The following SYN2 variants were observed in gnomAD, a reference collection of about 807,000 sequenced individuals.
SYN2 encodes the protein synapsin-2.
Under a neutral mutation model 50.9 loss-of-function variants are expected in SYN2, and 19 were observed. That is an observed-to-expected ratio of 0.37 (90% CI 0.26 to 0.55). The LOEUF (loss-of-function observed/expected upper bound fraction) is 0.55. SYN2 is among the 20% of genes least tolerant of loss of function. The pLI, the probability that SYN2 is intolerant of heterozygous loss-of-function variation, is 0.81. For synonymous variants in SYN2, 255 were observed against 224.9 expected (o/e 1.13, Z -1.20); for missense variants, 587 against 576.4 (o/e 1.02, Z -0.19).
chr3:12,121,765 G>A (rs1171691113), intron 1 of SYN2, among the ~76,000 whole-genome samples: 2 of 151,924 alleles, frequency 1.3e-5, no homozygotes, highest in South Asian at 2.1e-4. Context: ...GAGAGAAAGA[G>A]ATAGAAAAAT....
At chr3:12,158,649 A>G in intron 5 of SYN2, 2 of 1,602,048 alleles carry the variant, frequency 1.2e-6, no homozygotes, top group African/African-American at 2.7e-5. Flanking sequence ...CTGGCCAGAT[A>G]CTAATCCCCC....
chr3:12,096,096 C>T (rs1456552748), intron 1 of SYN2, among the ~76,000 whole-genome samples: 2 of 152,198 alleles, frequency 1.3e-5, no homozygotes, highest in Non-Finnish European at 2.9e-5. Flanking sequence ...TTCATGACAT[C>T]TAACTTGACA....
At chr3:12,178,473 C>T (rs1261072070) in intron 10 of SYN2, among the ~76,000 whole-genome samples, 2 of 152,198 alleles carry the variant, frequency 1.3e-5, no homozygotes, top group African/African-American at 4.8e-5. Flanking sequence ...CATCCATGGG[C>T]TTGGTTTCTG....
chr3:12,035,810 A>C (rs1694486382), intron 1 of SYN2, among the ~76,000 whole-genome samples: 1 of 152,226 alleles, frequency 6.6e-6, no homozygotes, highest in African/African-American at 2.4e-5. Context: ...AATTTAGAAC[A>C]AAGAATGGTG....
chr3:12,134,732 G>T lies in SYN2; in HGVS notation c.378-5919G>T, dbSNP rs1325192466. ...TTGCTTTCCACTGTACATCCTCCTGGACTATATGAAACTTTTATTATTGTT... is the reference window on the plus strand; with the variant it reads ...TTGCTTTCCACTGTACATCCTCCTGTACTATATGAAACTTTTATTATTGTT... On this transcript the variant is annotated intron_variant, in intron 1 of 12. Coordinates refer to ENST00000621198, the MANE Select transcript of SYN2 (RefSeq NM_133625.6). Among the ~76,000 whole-genome samples, 3 of 152,260 alleles carry T rather than the reference G, an allele frequency of 2.0e-5. No individual in the cohort carries two copies. In the East Asian group the frequency reaches 5.8e-4, roughly 29 times the overall value.
intron 1 of SYN2, among the ~76,000 whole-genome samples, chr3:12,110,400 G>C (rs1696285775): frequency 6.6e-6 from 1 of 152,142 alleles, no homozygotes; most frequent in Non-Finnish European, 1.5e-5. Flanking sequence ...CGGGCACTTG[G>C]TGCAAGCTGT....
At chr3:12,070,331 G>A (rs576310787) in intron 1 of SYN2, 1 of 504,208 alleles carries the variant, frequency 2.0e-6, no homozygotes, top group African/African-American at 1.9e-5. Flanking sequence ...TCCATCCTTA[G>A]GCGCCCCTGG....
intron 10 of SYN2, among the ~76,000 whole-genome samples, chr3:12,173,463 T>C (rs1306864248): frequency 6.6e-6 from 1 of 152,180 alleles, no homozygotes; most frequent in Non-Finnish European, 1.5e-5. Context: ...CTTTTTGTTT[T>C]CAAGTATCTG....
intron 1 of SYN2, among the ~76,000 whole-genome samples, chr3:12,020,306 T>C (rs1295091830): frequency 6.6e-6 from 1 of 152,112 alleles, no homozygotes; most frequent in East Asian, 1.9e-4. Flanking sequence ...TCTGTTTTTT[T>C]TCCTGTCCTC....
At chr3:12,033,040 G>A (rs1403279916) in intron 1 of SYN2, among the ~76,000 whole-genome samples, 22 of 145,756 alleles carry the variant, frequency 1.5e-4, no homozygotes, top group African/African-American at 5.7e-4. Flanking sequence ...TGATGATGGT[G>A]ATGTACAGAT....
In SYN2 at chr3:12,014,759, GT is replaced by G. The variant is rs1312178115; in HGVS notation, c.377+9835del. On this transcript the variant is annotated intron_variant, in intron 1 of 12. Coordinates refer to ENST00000621198, the MANE Select transcript of SYN2 (RefSeq NM_133625.6). The stretch of plus-strand genomic sequence containing the variant: ...TATTGCTTTGTCTATACCTTTATGA[GT>G]TTTGTGTGCCTTCTTCCACACAGCT... Among the ~76,000 whole-genome samples, 13 of 152,200 alleles carry G rather than the reference GT, an allele frequency of 8.5e-5. No homozygotes were observed. In the South Asian group the frequency reaches 2.7e-3, roughly 32 times the overall value.
intron 1 of SYN2, among the ~76,000 whole-genome samples, chr3:12,129,684 G>A (rs1371713313): frequency 1.3e-5 from 2 of 152,140 alleles, no homozygotes; most frequent in Non-Finnish European, 2.9e-5. Flanking sequence ...GTATTTTTGT[G>A]TGATATTGTT....
intron 7 of SYN2, among the ~76,000 whole-genome samples, chr3:12,162,814 G>C (rs147453400): frequency 6.6e-6 from 1 of 152,316 alleles, no homozygotes; most frequent in East Asian, 1.9e-4. Flanking sequence ...CATTTGCCAG[G>C]ATGGAAAGTT....
intron 1 of SYN2, among the ~76,000 whole-genome samples, chr3:12,017,648 A>C (rs1401945821): frequency 6.6e-6 from 1 of 152,228 alleles, no homozygotes; most frequent in Admixed American, 6.5e-5. Context: ...GAAAATGTCT[A>C]ACAATATGAT....
chr3:12,103,422 T>C (rs1264203676), intron 1 of SYN2, among the ~76,000 whole-genome samples: 1 of 152,184 alleles, frequency 6.6e-6, no homozygotes, highest in African/African-American at 2.4e-5. Context: ...AAAAAGACAA[T>C]TAAAATTCTG....
intron 1 of SYN2, among the ~76,000 whole-genome samples, chr3:12,115,668 C>T (rs1165249838): frequency 1.3e-5 from 2 of 152,006 alleles, no homozygotes; most frequent in East Asian, 1.9e-4. Flanking sequence ...AACTTAAATC[C>T]CAAGGGGTTC....
intron 1 of SYN2, among the ~76,000 whole-genome samples, chr3:12,133,039 T>C (rs1302422213): frequency 3.3e-5 from 5 of 152,212 alleles, no homozygotes; most frequent in Non-Finnish European, 5.9e-5. Context: ...TTACCCCTAA[T>C]CATCTTGGCA....
At chr3:12,157,389 A>G (rs1697489235) in intron 5 of SYN2, 1 of 1,614,012 alleles carries the variant, frequency 6.2e-7, no homozygotes, top group Non-Finnish European at 8.5e-7. Flanking sequence ...ATGTACCTTT[A>G]TCTGTTTGAT....
intron 1 of SYN2, among the ~76,000 whole-genome samples, chr3:12,083,257 C>T (rs971730044): frequency 6.6e-6 from 1 of 152,208 alleles, no homozygotes; most frequent in African/African-American, 2.4e-5. Flanking sequence ...GGTGATCTGC[C>T]CACCTCAGCC....
Sources: gnomAD v4.1 joint callset for allele counts (sites outside exome capture counted in the v4.1 genomes callset) on GRCh38, gnomAD v4.1.1 for gene constraint, MANE v1.5 for transcripts, NCBI Gene and HGNC (gene_info 2026-07-23, HGNC 2026-07-21) for gene names.